PLD5: variants seen among roughly 807,000 people sequenced by gnomAD.
The protein encoded by PLD5 is inactive phospholipase D5.
In PLD5, 36 loss-of-function variants were observed where a neutral mutation model predicts 61.1. The observed-to-expected ratio is 0.59, with a 90% confidence interval of 0.45 to 0.78. The LOEUF is 0.78. PLD5 is among the 30% of genes least tolerant of loss of function. The pLI, the probability that PLD5 is intolerant of heterozygous loss-of-function variation, is 0.00. For synonymous variants in PLD5, 243 were observed against 242.8 expected (o/e 1.00, Z -0.01); for missense variants, 515 against 644.4 (o/e 0.80, Z 2.17).
chr1:242,312,295 A>G (rs1676741825), intron 2 of PLD5, among the ~76,000 whole-genome samples: 1 of 151,998 alleles, frequency 6.6e-6, no homozygotes, highest in South Asian at 2.1e-4. Flanking sequence ...TTTGAAAAAA[A>G]TAGCCACCTC....
At chr1:242,466,496 A>G (rs970798619) in intron 1 of PLD5, among the ~76,000 whole-genome samples, 2 of 152,176 alleles carry the variant, frequency 1.3e-5, no homozygotes, top group African/African-American at 4.8e-5. Flanking sequence ...AAAAAGAAGG[A>G]AATTCTTGTC....
chr1:242,467,045 T>C (rs189910266), intron 1 of PLD5, among the ~76,000 whole-genome samples: 26 of 152,266 alleles, frequency 1.7e-4, no homozygotes, highest in African/African-American at 5.3e-4. Flanking sequence ...CACAGCATAG[T>C]GACTATAGTT....
At chr1:242,506,549 T>G (rs1490003974) in intron 1 of PLD5, among the ~76,000 whole-genome samples, 1 of 151,994 alleles carries the variant, frequency 6.6e-6, no homozygotes, top group African/African-American at 2.4e-5. Flanking sequence ...GAATAGGAAA[T>G]CAGGATGTAA....
chr1:242,406,531 A>C (rs1664243210), intron 1 of PLD5, among the ~76,000 whole-genome samples: 1 of 152,240 alleles, frequency 6.6e-6, no homozygotes, highest in Non-Finnish European at 1.5e-5. Context: ...TGTTAAATAG[A>C]ATAAACCAAC....
intron 1 of PLD5, among the ~76,000 whole-genome samples, chr1:242,479,494 C>T (rs111285804): frequency 0.018 from 2,747 of 152,002 alleles, 84 homozygotes; most frequent in African/African-American, 0.063. Context: ...ACTGAAAAAC[C>T]ACTGCTGAAA....
rs376493644 is a variant in PLD5, at chr1:242,409,065, C to CAA, written c.190-60825_190-60824dup. Among the ~76,000 whole-genome samples the CAA allele has an allele frequency of 5.1e-3, 705 of 138,970 alleles. 7 individuals carry two copies. Among genetic ancestry groups the CAA allele is most frequent in the African/African-American group, 0.019 (665 of 34,648 alleles). The allele number at this position is 138,970 out of a possible 152,430, so 91.2% of individuals were successfully genotyped here. On this transcript the variant is annotated intron_variant, in intron 1 of 9. Coordinates refer to ENST00000536534, the MANE Select transcript of PLD5 (RefSeq NM_001372062.1). The stretch of plus-strand genomic sequence containing the variant: ...CTGTGTGAAAGAGCAAGACTCCTCT[C>CAA]AAAAAAAAAAGAAAAGAAAAGAAAA...
chr1:242,518,079 A>G (rs12041529), intron 1 of PLD5, among the ~76,000 whole-genome samples: 45 of 152,314 alleles, frequency 3.0e-4, no homozygotes, highest in African/African-American at 1.0e-3. Context: ...ATCCAGTCCC[A>G]TGATGCCCAG....
chr1:242,501,790 TTATA>T (rs10648981), intron 1 of PLD5, among the ~76,000 whole-genome samples: 10,515 of 147,050 alleles, frequency 0.072, 894 homozygotes, highest in African/African-American at 0.2. Flanking sequence ...TAATATTCCA[TTATA>T]TATATATATA....
At chr1:242,125,573 T>C (rs1481661475) in intron 5 of PLD5, among the ~76,000 whole-genome samples, 3 of 152,170 alleles carry the variant, frequency 2.0e-5, no homozygotes, top group Non-Finnish European at 4.4e-5. Context: ...ATTTAGTCAA[T>C]GAAACTATAC....
chr1:242,493,962 G>A (rs571453935), intron 1 of PLD5, among the ~76,000 whole-genome samples: 37 of 152,332 alleles, frequency 2.4e-4, no homozygotes, highest in Admixed American at 5.9e-4. Flanking sequence ...TATCGCTCTT[G>A]AGAGTGAGCT....
upstream of PLD5, among the ~76,000 whole-genome samples, chr1:242,528,736 G>T (rs952638785): frequency 6.6e-6 from 1 of 152,162 alleles, no homozygotes. Flanking sequence ...TAAATGACCT[G>T]CCCAAAGCCA....
chr1:242,123,434 G>A (rs1029667959), intron 6 of PLD5, among the ~76,000 whole-genome samples: 7 of 152,118 alleles, frequency 4.6e-5, no homozygotes, highest in South Asian at 4.1e-4. Context: ...CCTCGCAGCC[G>A]GGACCCCTGT....
chr1:242,333,920 T>C (rs984917438), intron 2 of PLD5, among the ~76,000 whole-genome samples: 2 of 152,252 alleles, frequency 1.3e-5, no homozygotes, highest in African/African-American at 4.8e-5. Flanking sequence ...TTAGGTTGAT[T>C]GCATATCTTC....
At chr1:242,276,146 T>A (rs1674398905) in intron 3 of PLD5, among the ~76,000 whole-genome samples, 2 of 151,772 alleles carry the variant, frequency 1.3e-5, no homozygotes, top group South Asian at 2.1e-4. Context: ...GAGACCAGCC[T>A]GAGCAATATA....
At chr1:242,156,304 C>A (rs1344949656) in intron 5 of PLD5, among the ~76,000 whole-genome samples, 1 of 152,134 alleles carries the variant, frequency 6.6e-6, no homozygotes, top group African/African-American at 2.4e-5. Flanking sequence ...ACTCTTTATC[C>A]AATTTGCCAG....
chr1:242,174,816 G>A (rs370814074), intron 5 of PLD5, among the ~76,000 whole-genome samples: 16 of 151,982 alleles, frequency 1.1e-4, no homozygotes, highest in East Asian at 3.9e-4. Flanking sequence ...ACCAAACACC[G>A]CATGTTCTCA....
At chr1:242,345,653 T>C (rs1183317940) in intron 2 of PLD5, 1 of 852,132 alleles carries the variant, frequency 1.2e-6, no homozygotes, top group South Asian at 1.3e-5. Context: ...TCAACCTTGA[T>C]ATCAACACTG....
At chr1:242,136,887 C>T (rs1471526821) in intron 5 of PLD5, among the ~76,000 whole-genome samples, 1 of 152,124 alleles carries the variant, frequency 6.6e-6, no homozygotes, top group African/African-American at 2.4e-5. Context: ...GGAGACAGTC[C>T]AATAGCTGCT....
chr1:242,367,568 TCAG>T (rs1048706510), intron 1 of PLD5, among the ~76,000 whole-genome samples: 3 of 152,110 alleles, frequency 2.0e-5, no homozygotes, highest in Non-Finnish European at 4.4e-5. Flanking sequence ...GCCTCACATC[TCAG>T]CAGCATACTC....
Sources: gnomAD v4.1 joint callset for allele counts (sites outside exome capture counted in the v4.1 genomes callset) on GRCh38, gnomAD v4.1.1 for gene constraint, MANE v1.5 for transcripts, NCBI Gene and HGNC (gene_info 2026-07-23, HGNC 2026-07-21) for gene names.